Variants in PTPDC1 observed in about 807,000 individuals in gnomAD.
The protein encoded by PTPDC1 is protein tyrosine phosphatase domain-containing protein 1.
A neutral mutation model predicts 75.3 loss-of-function variants in PTPDC1; 53 were observed. The ratio of observed to expected loss-of-function variants is 0.70; its 90% confidence interval spans 0.56 to 0.88. The LOEUF is 0.88. PTPDC1 is among the 40% of genes least tolerant of loss of function. The probability of loss-of-function intolerance (pLI) is 0.00; values close to 1 mark genes in which losing one functional copy is unlikely to be tolerated. For synonymous variants in PTPDC1, 349 were observed against 366.2 expected (o/e 0.95, Z 0.54); for missense variants, 925 against 998.6 (o/e 0.93, Z 0.99).
chr9:94,088,763 T>G (rs1827168556), intron 4 of PTPDC1, among the ~76,000 whole-genome samples: 1 of 152,152 alleles, frequency 6.6e-6, no homozygotes, highest in East Asian at 1.9e-4. Flanking sequence ...TCACAGGAGC[T>G]TTGGGATGAA....
chr9:94,095,633 T>C (rs940988228), intron 5 of PTPDC1, among the ~76,000 whole-genome samples, 179 bp downstream of exon 5: 5 of 152,190 alleles, frequency 3.3e-5, no homozygotes, highest in South Asian at 4.1e-4. Context: ...TAAAATGATA[T>C]ATAGTTTCAA....
chr9:94,052,048 T>C (rs2118458207), intron 1 of PTPDC1, among the ~76,000 whole-genome samples: 1 of 152,300 alleles, frequency 6.6e-6, no homozygotes, highest in African/African-American at 2.4e-5. Flanking sequence ...TTTGATGTTG[T>C]GTTTTTAAAA....
At chr9:94,090,294 G>A (rs202080234) in intron 4 of PTPDC1, among the ~76,000 whole-genome samples, 35,383 of 83,638 alleles carry the variant, frequency 0.42, 10,750 homozygotes, top group African/African-American at 0.72. Context: ...AGCTTTCTAC[G>A]TATGGCTAGC....
At chr9:94,106,814 T>C (rs1189353507) in intron 8 of PTPDC1, among the ~76,000 whole-genome samples, 1 of 152,186 alleles carries the variant, frequency 6.6e-6, no homozygotes, top group Non-Finnish European at 1.5e-5. Context: ...GGGTACTTGC[T>C]CTGGTTCTCT....
At chr9:94,073,245 A>G (rs1467929408) in intron 2 of PTPDC1, among the ~76,000 whole-genome samples, 1 of 152,190 alleles carries the variant, frequency 6.6e-6, no homozygotes, top group East Asian at 1.9e-4. Context: ...GAGTCTTGGT[A>G]GTTGGCAGTG....
intron 1 of PTPDC1, among the ~76,000 whole-genome samples, chr9:94,039,435 A>G (rs1200132665): frequency 2.6e-5 from 4 of 152,190 alleles, no homozygotes; most frequent in African/African-American, 9.6e-5. Flanking sequence ...GTGCAGCTAT[A>G]GTCATTTGAA....
At chr9:94,080,216 T>C (rs1032645132), upstream of PTPDC1, among the ~76,000 whole-genome samples, 1 of 151,926 alleles carries the variant, frequency 6.6e-6, no homozygotes, top group Non-Finnish European at 1.5e-5. Context: ...GGAGCAGAGG[T>C]AGTGATGGGA....
intron 3 of PTPDC1, 50 bp downstream of exon 3, chr9:94,087,961 T>G (rs1291295723): frequency 3.3e-6 from 5 of 1,535,666 alleles, no homozygotes; most frequent in Middle Eastern, 1.7e-4. Context: ...TGTGTTTTTT[T>G]CTTTCATTGC....
At chr9:94,064,643 C>A in intron 1 of PTPDC1, 1 of 812,944 alleles carries the variant, frequency 1.2e-6, no homozygotes, top group Non-Finnish European at 2.0e-6. Context: ...GTGACTGCAG[C>A]ATTGGATAAC....
At chr9:94,040,143 G>C in intron 1 of PTPDC1, among the ~76,000 whole-genome samples, 1 of 152,122 alleles carries the variant, frequency 6.6e-6, no homozygotes, top group East Asian at 1.9e-4. Flanking sequence ...TCTTTACCAT[G>C]CCAGCTCAGG....
At chr9:94,094,989 A>G (rs934524488) in intron 4 of PTPDC1, among the ~76,000 whole-genome samples, 2 of 152,212 alleles carry the variant, frequency 1.3e-5, no homozygotes, top group African/African-American at 2.4e-5. Flanking sequence ...GCACTCCCTA[A>G]TGAGATGAAC....
At chr9:94,090,334 G>C (rs1827266774) in intron 4 of PTPDC1, among the ~76,000 whole-genome samples, 1 of 145,040 alleles carries the variant, frequency 6.9e-6, no homozygotes, top group South Asian at 2.2e-4. Flanking sequence ...TATTAAATAG[G>C]GAATCCTTTC....
intron 1 of PTPDC1, among the ~76,000 whole-genome samples, chr9:94,033,058 C>T (rs1452347108): frequency 6.6e-6 from 1 of 151,896 alleles, no homozygotes; most frequent in Admixed American, 6.6e-5. Flanking sequence ...GATGGAGTTT[C>T]GCCATGTTCC....
At chr9:94,042,273 G>A (rs1313069841) in intron 1 of PTPDC1, among the ~76,000 whole-genome samples, 2 of 152,082 alleles carry the variant, frequency 1.3e-5, no homozygotes, top group Non-Finnish European at 2.9e-5. Context: ...TTCTTTTACA[G>A]TTTCCATTCA....
In PTPDC1 at chr9:94,108,506, G is replaced by T. The variant is rs1828100453; in HGVS notation, c.*562G>T. The T allele has an allele frequency of 6.6e-6, 1 of 152,572 alleles. No individual in the cohort carries two copies. Among genetic ancestry groups the T allele is most frequent in the Non-Finnish European group, 1.5e-5 (1 of 68,024 alleles). The allele number at this position is 152,572 out of a possible 1,614,324, so 9.5% of individuals were successfully genotyped here. A position where few individuals can be genotyped will look rare whatever the true frequency, so the allele number is the denominator to read the frequency against. ...TGTTTTTCCTTTTCTTTTTATAAAT[G>T]TAACAGAGGGTTTCAAAGCATATTA... is the stretch of plus-strand genomic sequence containing the variant. On this transcript the variant is annotated 3_prime_UTR_variant, in exon 9 of 9. Transcript: ENST00000620992.
intron 5 of PTPDC1, 144 bp from the exon 6 acceptor site, chr9:94,097,177 A>G (rs1827605358): frequency 3.1e-6 from 2 of 640,908 alleles, no homozygotes; most frequent in African/African-American, 3.7e-5. Context: ...TCACAAAGTT[A>G]TCATCATAAT....
intron 1 of PTPDC1, among the ~76,000 whole-genome samples, chr9:94,053,174 T>C (rs1245017382): frequency 6.6e-6 from 1 of 152,086 alleles, no homozygotes; most frequent in African/African-American, 2.4e-5. Flanking sequence ...TAGGGTATAT[T>C]TGAGGTGTGA....
chr9:94,094,572 A>T (rs1304124783), intron 4 of PTPDC1, among the ~76,000 whole-genome samples: 2 of 152,048 alleles, frequency 1.3e-5, no homozygotes, highest in Non-Finnish European at 2.9e-5. Flanking sequence ...CTATAGAGGC[A>T]GGCAGGCCTC....
intron 1 of PTPDC1, among the ~76,000 whole-genome samples, chr9:94,056,980 AG>A (rs1183206157): frequency 6.6e-6 from 1 of 152,252 alleles, no homozygotes; most frequent in Non-Finnish European, 1.5e-5. Context: ...GTGAAATGAC[AG>A]GGTTATTATT....
Sources: allele counts gnomAD v4.1 joint callset (sites outside exome capture counted in the v4.1 genomes callset), GRCh38; gene constraint gnomAD v4.1.1; transcripts MANE v1.5; gene names NCBI Gene and HGNC (gene_info 2026-07-23, HGNC 2026-07-21).